Variants in ZMAT5 observed in about 807,000 individuals in gnomAD.
ZMAT5 encodes zinc finger matrin-type 5, also known as zinc finger matrin-type protein 5.
Under a neutral mutation model 28.0 loss-of-function variants are expected in ZMAT5, and 23 were observed. The ratio of observed to expected loss-of-function variants is 0.82; its 90% CI spans 0.59 to 1.16. The LOEUF is 1.16. Among genes scored for constraint, ZMAT5 ranks in the 50% most tolerant of loss-of-function variants. The pLI, the probability that ZMAT5 is intolerant of heterozygous loss-of-function variation, is 0.00. For synonymous variants in ZMAT5, 76 were observed against 84.1 expected, an observed-to-expected ratio of 0.90 and a Z score of 0.52; for missense variants, 173 against 212.7, an observed-to-expected ratio of 0.81 and a Z score of 1.16.
chr22:29,736,528 T>C (rs2067905780), intron 5 of ZMAT5, among the ~76,000 whole-genome samples: 1 of 150,544 alleles, frequency 6.6e-6, no homozygotes, highest in African/African-American at 2.5e-5. Context: ...GAGACCAGCC[T>C]GGCCAGCACA....
intron 1 of ZMAT5, among the ~76,000 whole-genome samples, chr22:29,750,306 A>T (rs566797604): frequency 5.9e-5 from 9 of 152,320 alleles, no homozygotes; most frequent in Admixed American, 5.9e-4. Context: ...CCTCTCTTCC[A>T]CAGCCAGTTC....
intron 5 of ZMAT5, among the ~76,000 whole-genome samples, chr22:29,737,915 G>A (rs768233280): frequency 6.6e-6 from 1 of 151,994 alleles, no homozygotes; most frequent in African/African-American, 2.4e-5. Context: ...GTGCAATCCC[G>A]GCTCTACATT....
chr22:29,749,648 T>C (rs1188829365), intron 1 of ZMAT5, among the ~76,000 whole-genome samples: 1 of 152,218 alleles, frequency 6.6e-6, no homozygotes, highest in African/African-American at 2.4e-5. Flanking sequence ...CCCTTTGATA[T>C]GGTGAGGCTT....
intron 1 of ZMAT5, among the ~76,000 whole-genome samples, chr22:29,751,619 C>A (rs748290605): frequency 1.3e-5 from 2 of 152,158 alleles, no homozygotes; most frequent in Non-Finnish European, 2.9e-5. Flanking sequence ...GCCAAGGTCA[C>A]ACTGCTAGGA....
At chr22:29,743,985 A>G (rs988640472) in intron 2 of ZMAT5, among the ~76,000 whole-genome samples, 5 of 152,170 alleles carry the variant, frequency 3.3e-5, no homozygotes, top group Non-Finnish European at 7.3e-5. Flanking sequence ...ACAACATATG[A>G]CCACGTGCAA....
At chr22:29,750,426 A>G (rs903840671) in intron 1 of ZMAT5, among the ~76,000 whole-genome samples, 1 of 152,154 alleles carries the variant, frequency 6.6e-6, no homozygotes, top group Admixed American at 6.5e-5. Context: ...GGAAATGAAA[A>G]CATTTTGGGG....
intron 1 of ZMAT5, among the ~76,000 whole-genome samples, chr22:29,763,599 C>G (rs1041415713): frequency 6.6e-6 from 1 of 151,068 alleles, no homozygotes; most frequent in Non-Finnish European, 1.5e-5. Flanking sequence ...GAGACTCCGT[C>G]TCAAACAAAA....
chr22:29,755,334 AGAGAGAGG>A (rs1371309386), intron 1 of ZMAT5, among the ~76,000 whole-genome samples: 9 of 19,734 alleles, frequency 4.6e-4, no homozygotes, highest in African/African-American at 8.8e-4. Flanking sequence ...AAGGAGAGAG[AGAGAGAGG>A]GAGGGAGGGA....
intron 1 of ZMAT5, among the ~76,000 whole-genome samples, chr22:29,763,821 A>G (rs2068182622): frequency 6.6e-6 from 1 of 151,958 alleles, no homozygotes; most frequent in South Asian, 2.1e-4. Context: ...GCATAGTGGC[A>G]TGCACCTGTA....
chr22:29,743,688 TCC>T (rs2067984893), intron 2 of ZMAT5, among the ~76,000 whole-genome samples: 1 of 152,220 alleles, frequency 6.6e-6, no homozygotes, highest in Admixed American at 6.5e-5. Flanking sequence ...CCACTTGGCC[TCC>T]CAAAGTGCTG....
chr22:29,748,389 G>A (rs938600109), intron 2 of ZMAT5, 29 bp downstream of exon 2: 7 of 1,614,160 alleles, frequency 4.3e-6, no homozygotes, highest in Non-Finnish European at 5.9e-6. Context: ...AGGGCTCCAG[G>A]AGCCTGGCCC....
chr22:29,758,258 CA>C (rs779505952), intron 1 of ZMAT5, among the ~76,000 whole-genome samples: 2 of 152,318 alleles, frequency 1.3e-5, no homozygotes, highest in East Asian at 3.9e-4. Context: ...GAGACTCAGC[CA>C]GAACCACTCA....
chr22:29,754,785 G>A (rs1212752836), intron 1 of ZMAT5, among the ~76,000 whole-genome samples: 1 of 152,038 alleles, frequency 6.6e-6, no homozygotes, highest in East Asian at 1.9e-4. Context: ...GAGGTGGGAG[G>A]ATAGCTTGAG....
intron 1 of ZMAT5, among the ~76,000 whole-genome samples, chr22:29,753,662 C>T (rs1343752099): frequency 3.9e-5 from 6 of 152,178 alleles, no homozygotes; most frequent in Non-Finnish European, 8.8e-5. Context: ...GCTCTCCAGC[C>T]TGGGTGACAG....
At chr22:29,748,310 C>T (rs1192562003) in intron 2 of ZMAT5, 108 bp downstream of exon 2, 6 of 1,552,182 alleles carry the variant, frequency 3.9e-6, no homozygotes, top group Non-Finnish European at 5.3e-6. Context: ...TCTTTTGATC[C>T]TCAAAGAGCC....
intron 4 of ZMAT5, among the ~76,000 whole-genome samples, chr22:29,740,018 T>A (rs2067946583): frequency 1.3e-5 from 2 of 152,218 alleles, no homozygotes; most frequent in African/African-American, 4.8e-5. Context: ...GCCCCCAACC[T>A]GCTGGGGGGC....
chr22:29,745,423 T>C (rs779290986), intron 2 of ZMAT5, among the ~76,000 whole-genome samples: 1 of 152,174 alleles, frequency 6.6e-6, no homozygotes, highest in Admixed American at 6.5e-5. Flanking sequence ...ACCATTCTAA[T>C]TGGGCGCAAG....
intron 1 of ZMAT5, among the ~76,000 whole-genome samples, chr22:29,765,309 T>C (rs1211747790): frequency 1.3e-5 from 2 of 151,704 alleles, no homozygotes; most frequent in Non-Finnish European, 2.9e-5. Flanking sequence ...ATCCCAGCTA[T>C]TCAGTAGGCT....
intron 1 of ZMAT5, among the ~76,000 whole-genome samples, chr22:29,757,042 A>C (rs1446172681): frequency 6.6e-6 from 1 of 151,888 alleles, no homozygotes; most frequent in African/African-American, 2.4e-5. Flanking sequence ...ATCTCAAAAA[A>C]TATATATATT....
Sources: allele counts gnomAD v4.1 joint callset (sites outside exome capture counted in the v4.1 genomes callset), GRCh38; gene constraint gnomAD v4.1.1; transcripts MANE v1.5; gene names NCBI Gene and HGNC (gene_info 2026-07-23, HGNC 2026-07-21).